The following BMP3 variants were observed in gnomAD, a reference collection of about 807,000 sequenced individuals.
The protein encoded by BMP3 is bone morphogenetic protein 3 (osteogenic).
BMP3 carries 23 observed loss-of-function variants against 38.1 expected under a neutral mutation model. The ratio of observed to expected loss-of-function variants is 0.60; its 90% CI spans 0.43 to 0.86. The LOEUF is 0.86. BMP3 is among the 40% of genes least tolerant of loss of function. BMP3 has a pLI of 0.00. For synonymous variants in BMP3, 258 were observed against 225.7 expected (o/e 1.14, Z -1.28); for missense variants, 628 against 579.6 (o/e 1.08, Z -0.86).
At position 81,056,189 on chromosome 4, in the gene BMP3, C is replaced by T. The variant is rs1003378235; in HGVS notation, c.*2653C>T. On this transcript the variant is annotated 3_prime_UTR_variant, in exon 3 of 3. Transcript: ENST00000282701. ...TCCTGATATTAAATTATTAAATTGG[C>T]ATTCATGAAAAGAGAAGCTACAATT... is the stretch of plus-strand genomic sequence containing the variant. 4 of 152,140 alleles carry T rather than the reference C, an allele frequency of 2.6e-5. No individual in the cohort carries two copies. The highest frequency in any genetic ancestry group is 5.9e-5 in the Non-Finnish European group (4 of 67,990). The allele number at this position is 152,140 out of a possible 1,614,324, so 9.4% of individuals were successfully genotyped here.
At chr4:81,050,069 G>T (rs1344871260) in intron 2 of BMP3, among the ~76,000 whole-genome samples, 1 of 152,158 alleles carries the variant, frequency 6.6e-6, no homozygotes, top group Non-Finnish European at 1.5e-5. Flanking sequence ...TCCAGGCTTT[G>T]CCCTTTCACT....
intron 1 of BMP3, among the ~76,000 whole-genome samples, chr4:81,037,702 A>G (rs1461293225): frequency 6.6e-6 from 1 of 152,162 alleles, no homozygotes; most frequent in Non-Finnish European, 1.5e-5. Context: ...TGTAGCACAG[A>G]TGATGATGTA....
Position 81,045,981 on chromosome 4 carries a change from TG to T in BMP3, c.562del (p.Ala188ProfsTer19), listed in dbSNP as rs748072894. On this transcript the variant is annotated frameshift_variant, in exon 2 of 3. Transcript: ENST00000282701. LOFTEE classifies it high-confidence loss of function. ...SQLLGHLSVDMAKSHRDIMSW... is the reference protein window; with the variant it reads ...SQLLGHLSVDXAKSHRDIMSW... ...CTCCTTGGCCATCTGTCAGTGGATA[TG>T]GCCAAATCTCATCGAGATATTATGT... The T allele has an allele frequency of 6.2e-7, 1 of 1,614,120 alleles. No individual in the cohort carries two copies. Among genetic ancestry groups the T allele is most frequent in the Non-Finnish European group, 8.5e-7 (1 of 1,180,024 alleles).
At chr4:81,042,709 T>C (rs567125380) in intron 1 of BMP3, among the ~76,000 whole-genome samples, 156 of 152,334 alleles carry the variant, frequency 1.0e-3, no homozygotes, top group African/African-American at 3.5e-3. Flanking sequence ...GGTTTACCCA[T>C]TAAGTTACTG....
intron 2 of BMP3, among the ~76,000 whole-genome samples, chr4:81,051,859 A>C (rs1740406438): frequency 6.6e-6 from 1 of 152,212 alleles, no homozygotes; most frequent in African/African-American, 2.4e-5. Flanking sequence ...AAGTAAGAAC[A>C]GTTGCCCATC....
rs1740538166 is a variant in BMP3, at chr4:81,055,772, A to C, written c.*2236A>C. ...TAGTTATTACAGATTGCACCCCACA[A>C]TGGCCAAAAACCCACTACATAATAA... On this transcript the variant is annotated 3_prime_UTR_variant, in exon 3 of 3. Transcript: ENST00000282701. 6.6e-6 allele frequency: 1 copy of C among 152,126 alleles called. No homozygotes were observed. Among genetic ancestry groups the C allele is most frequent in the Non-Finnish European group, 1.5e-5 (1 of 68,032 alleles). The allele number at this position is 152,126 out of a possible 1,614,324, so 9.4% of individuals were successfully genotyped here.
chr4:81,053,531 A>G lies in BMP3; in HGVS notation c.1414A>G (p.Arg472Gly). The G allele has an allele frequency of 6.7e-7, 1 of 1,483,276 alleles. No individual in the cohort carries two copies. The highest frequency in any genetic ancestry group is 1.4e-5 in the African/African-American group (1 of 69,310). The allele number at this position is 1,483,276 out of a possible 1,614,324, so 91.9% of individuals were successfully genotyped here. ...CATGACAGTAGAGTCTTGCGCTTGC[A>G]GATAACCTGGCAAAGAACTCATTTG... is the stretch of plus-strand genomic sequence containing the variant. Reference protein sequence around the residue: ...PNMTVESCACR With the variant: ...PNMTVESCACG The change falls in exon 3 of 3, where the codon AGA (arginine) becomes GGA (glycine). Residue 472 changes from arginine to glycine, a missense_variant. By Grantham distance (125) the Arg-to-Gly change is moderately radical (BLOSUM62 -2). Coordinates refer to ENST00000282701, the MANE Select transcript of BMP3 (RefSeq NM_001201.5).
intron 1 of BMP3, among the ~76,000 whole-genome samples, chr4:81,042,490 C>T (rs28664681): frequency 0.037 from 5,688 of 152,192 alleles, 343 homozygotes; most frequent in African/African-American, 0.13. Flanking sequence ...ACTGGACCAA[C>T]AGGCTTTGAC....
At chr4:81,031,937 T>C (rs186020306) in intron 1 of BMP3, among the ~76,000 whole-genome samples, 1 of 152,244 alleles carries the variant, frequency 6.6e-6, no homozygotes, top group Non-Finnish European at 1.5e-5. Context: ...GGAGCACCTC[T>C]AGGGTACCTT....
Position 81,030,720 on chromosome 4 carries a change from TAC to T in BMP3, c.-552_-551del, listed in dbSNP as rs1300304350. 6.0e-5 allele frequency among the ~76,000 whole-genome samples: 9 copies of T among 150,052 alleles called. No homozygotes were observed. Among genetic ancestry groups the T allele is most frequent in the African/African-American group, 7.3e-5 (3 of 40,934 alleles). On this transcript the variant is annotated 5_prime_UTR_variant, in exon 1 of 3. Coordinates refer to ENST00000282701, the MANE Select transcript of BMP3 (RefSeq NM_001201.5). The stretch of plus-strand genomic sequence containing the variant: ...GAAAGAACTAAGTCTCTCTCTCTCA[TAC>T]ACACACACACACGCACACACGCGCG...
In BMP3 at chr4:81,045,716, T is replaced by C. The variant is rs1434955099; in HGVS notation, c.317-22T>C. ...AATGGTCTTGTTTTCTCCTGTTTAC[T>C]CTCTTTCTTTTTCCTTCCTAGAAAC... On this transcript the variant is annotated intron_variant, in intron 1 of 2. Coordinates refer to ENST00000282701, the MANE Select transcript of BMP3 (RefSeq NM_001201.5). 4 of 1,534,828 alleles carry C rather than the reference T, an allele frequency of 2.6e-6. No homozygotes were observed. The East Asian group carries it at 9.0e-5, about 34-fold the overall frequency.
At chr4:81,037,190 A>T (rs1453057191) in intron 1 of BMP3, among the ~76,000 whole-genome samples, 1 of 152,040 alleles carries the variant, frequency 6.6e-6, no homozygotes, top group Non-Finnish European at 1.5e-5. Flanking sequence ...TTAAAAATAT[A>T]AGGTTGTTTG....
intron 1 of BMP3, among the ~76,000 whole-genome samples, chr4:81,038,347 C>T (rs1280530963): frequency 6.6e-6 from 1 of 152,104 alleles, no homozygotes; most frequent in African/African-American, 2.4e-5. Context: ...GCCTACAAAG[C>T]AAGTCCCTGG....
At position 81,046,494 on chromosome 4, in the gene BMP3, A is replaced by C; in HGVS notation, c.1073A>C (p.Lys358Thr). Reference sequence around the variant, plus strand: ...CAATTTGATGAGCAGACCCTGAAAAAGGCAAGGAGAAAGCAGTGGATTGAA... The same window carrying C: ...CAATTTGATGAGCAGACCCTGAAAACGGCAAGGAGAAAGCAGTGGATTGAA... ...TLQFDEQTLK[K>T]ARRKQWIEPR... is the part of the protein sequence containing the mutation. The change falls in exon 2 of 3, where the codon AAG (lysine) becomes ACG (threonine). Residue 358 changes from lysine (K) to threonine (T), a missense_variant. Physicochemically the swap from Lys to Thr is moderately conservative, Grantham distance 78 (BLOSUM62 -1). Coordinates refer to ENST00000282701, the MANE Select transcript of BMP3 (RefSeq NM_001201.5). 1 of 1,614,112 alleles carries C rather than the reference A, an allele frequency of 6.2e-7. No individual in the cohort carries two copies. The highest frequency in any genetic ancestry group is 8.5e-7 in the Non-Finnish European group (1 of 1,180,020).
At chr4:81,036,311 T>C (rs1039033332) in intron 1 of BMP3, among the ~76,000 whole-genome samples, 3 of 151,978 alleles carry the variant, frequency 2.0e-5, no homozygotes, top group Non-Finnish European at 4.4e-5. Flanking sequence ...TCAAATTCCT[T>C]ATATTATAAA....
intron 1 of BMP3, among the ~76,000 whole-genome samples, chr4:81,032,208 A>AAAAC (rs1553913118): frequency 6.6e-6 from 1 of 150,414 alleles, no homozygotes; most frequent in Non-Finnish European, 1.5e-5. Flanking sequence ...AAAAAAAAAA[A>AAAAC]AAAAAAAAAA....
At chr4:81,048,843 A>T (rs1424035273) in intron 2 of BMP3, among the ~76,000 whole-genome samples, 2 of 152,346 alleles carry the variant, frequency 1.3e-5, no homozygotes, top group Middle Eastern at 3.4e-3. Context: ...GTAGGTTCTG[A>T]TCCAGTGGAT....
intron 1 of BMP3, among the ~76,000 whole-genome samples, chr4:81,039,665 T>A (rs894545354): frequency 6.6e-6 from 1 of 152,220 alleles, no homozygotes; most frequent in African/African-American, 2.4e-5. Context: ...AAAACGCCTA[T>A]CTGACTTTCT....
rs1355047738 is a variant in BMP3 at position 81,055,538 on chromosome 4, A to G, written c.*2002A>G. 3.3e-5 allele frequency: 5 copies of G among 152,232 alleles called. No individual in the cohort carries two copies. Among genetic ancestry groups the G allele is most frequent in the Non-Finnish European group, 7.3e-5 (5 of 68,034 alleles). The allele number at this position is 152,232 out of a possible 1,614,324, so 9.4% of individuals were successfully genotyped here. ...AAACATTTGAAAATAAAAGTATATG[A>G]TAGAAGGGGGCCAGAGTGTGGCCAC... is the stretch of plus-strand genomic sequence containing the variant. On this transcript the variant is annotated 3_prime_UTR_variant, in exon 3 of 3. Coordinates refer to ENST00000282701, the MANE Select transcript of BMP3 (RefSeq NM_001201.5).
Sources: gnomAD v4.1 joint callset for allele counts (sites outside exome capture counted in the v4.1 genomes callset) on GRCh38, gnomAD v4.1.1 for gene constraint, MANE v1.5 for transcripts, NCBI Gene and HGNC (gene_info 2026-07-23, HGNC 2026-07-21) for gene names.